Variants in NEMP2 observed in about 807,000 individuals in gnomAD.
NEMP2 encodes nuclear envelope integral membrane protein 2, also known as UPF0571 transmembrane protein.
Under a neutral mutation model 54.2 loss-of-function variants are expected in NEMP2, and 53 were observed. The observed-to-expected ratio is 0.98, with a 90% CI of 0.78 to 1.23. NEMP2 has a LOEUF of 1.23. Among genes scored for constraint, NEMP2 ranks in the 50% most tolerant of loss-of-function variants. The pLI is 0.00. For synonymous variants in NEMP2, 197 were observed against 190.3 expected (o/e 1.04, Z -0.29); for missense variants, 455 against 511.3 (o/e 0.89, Z 1.06).
At chr2:190,609,193 A>G in the NEMP2 span, 5 of 152,242 alleles carry the variant, frequency 3.3e-5, no homozygotes, top group Non-Finnish European at 5.9e-5. The surrounding 1 kb of genome is among the most constrained non-coding windows in gnomAD (Gnocchi z 4.7). Context: ...TCCAGAGCTT[A>G]TATACCTTCT....
At chr2:190,562,538 A>T in the NEMP2 span, among the ~76,000 whole-genome samples, 2 of 152,166 alleles carry the variant, frequency 1.3e-5, no homozygotes, top group African/African-American at 4.8e-5. This position sits in a 1 kb window ranked among gnomAD's most constrained non-coding sequence, Gnocchi z 5.0. Flanking sequence ...CAATTGATTG[A>T]TCAGACTTTA....
chr2:190,534,326 C>T, intron 1 of NEMP2: 1 of 1,191,280 alleles, frequency 8.4e-7, no homozygotes, highest in Non-Finnish European at 1.0e-6. Flanking sequence ...CGCGCGGTTG[C>T]TTCTAATTCT....
chr2:190,469,910 A>T, the NEMP2 span: 1 of 1,312,022 alleles, frequency 7.6e-7, no homozygotes, highest in Non-Finnish European at 1.1e-6. The surrounding 1 kb of genome is among the most constrained non-coding windows in gnomAD (Gnocchi z 5.3). Context: ...AGCTGTGGCT[A>T]AAAGCCCAGT....
At chr2:190,422,904 ATTAAG>A in the NEMP2 span, among the ~76,000 whole-genome samples, 285 of 148,704 alleles carry the variant, frequency 1.9e-3, 2 homozygotes, top group African/African-American at 6.7e-3. Context: ...TTTTCTTCAT[ATTAAG>A]TTCTTTTGTT....
the NEMP2 span, among the ~76,000 whole-genome samples, chr2:190,487,853 T>C: frequency 2.0e-5 from 3 of 152,208 alleles, no homozygotes; most frequent in Non-Finnish European, 2.9e-5. This position sits in a 1 kb window ranked among gnomAD's most constrained non-coding sequence, Gnocchi z 5.5. Flanking sequence ...GTTAAACATA[T>C]AGTGACCATA....
At chr2:190,596,394 A>G in the NEMP2 span, among the ~76,000 whole-genome samples, 19 of 152,356 alleles carry the variant, frequency 1.2e-4, no homozygotes, top group Admixed American at 2.6e-4. This position sits in a 1 kb window ranked among gnomAD's most constrained non-coding sequence, Gnocchi z 5.1. Flanking sequence ...AACTTAAAGT[A>G]TAATAATAAT....
the NEMP2 span, chr2:190,646,816 T>C: frequency 8.5e-5 from 13 of 152,344 alleles, no homozygotes; most frequent in African/African-American, 2.6e-4. Context: ...TGTTGTTTCT[T>C]CCAACTCTGG....
chr2:190,592,445 G>T, the NEMP2 span, among the ~76,000 whole-genome samples: 13 of 152,282 alleles, frequency 8.5e-5, no homozygotes, highest in Middle Eastern at 0.01. This position sits in a 1 kb window ranked among gnomAD's most constrained non-coding sequence, Gnocchi z 4.4. Flanking sequence ...ATGCAAGGCA[G>T]ATCTGAGTAT....
At chr2:190,429,500 A>AT in the NEMP2 span, among the ~76,000 whole-genome samples, 463 of 151,682 alleles carry the variant, frequency 3.1e-3, 2 homozygotes, top group Admixed American at 8.7e-3. Context: ...TAATTTTTGT[A>AT]TTTTTTTAGT....
At chr2:190,584,709 CA>C in the NEMP2 span, among the ~76,000 whole-genome samples, 4 of 151,374 alleles carry the variant, frequency 2.6e-5, no homozygotes, top group Admixed American at 6.6e-5. This position sits in a 1 kb window ranked among gnomAD's most constrained non-coding sequence, Gnocchi z 4.2. Context: ...CCTATCTTTG[CA>C]AAAAAAATTT....
the NEMP2 span, among the ~76,000 whole-genome samples, chr2:190,451,491 C>T: frequency 6.6e-6 from 1 of 152,162 alleles, no homozygotes; most frequent in Non-Finnish European, 1.5e-5. This position sits in a 1 kb window ranked among gnomAD's most constrained non-coding sequence, Gnocchi z 5.0. Context: ...GGTCAGTCCT[C>T]GTGGGACTCA....
the NEMP2 span, among the ~76,000 whole-genome samples, chr2:190,574,204 T>C: frequency 9.2e-5 from 14 of 152,244 alleles, no homozygotes; most frequent in African/African-American, 3.4e-4. Context: ...CTTAAATTTA[T>C]TGCAAGATGA....
the NEMP2 span, among the ~76,000 whole-genome samples, chr2:190,578,741 G>A: frequency 1.3e-5 from 2 of 151,862 alleles, no homozygotes; most frequent in East Asian, 3.9e-4. The surrounding 1 kb of genome is among the most constrained non-coding windows in gnomAD (Gnocchi z 4.4). Context: ...GGAGTGGGAG[G>A]GTGTGTACAG....
chr2:190,514,498 G>T lies in NEMP2; in HGVS notation c.908C>A (p.Ser303Tyr). ...AYAAIILLMS[S>Y]WSLHYPLRAC... ...TCTCAGTGGGTAGTGCAGACTCCAGGAGGACATGAGGAGGATTATGGCTGC... is the reference window on the plus strand; with the variant it reads ...TCTCAGTGGGTAGTGCAGACTCCAGTAGGACATGAGGAGGATTATGGCTGC... The change falls in exon 7 of 9, where the codon TCC becomes TAC. Residue 303 changes from serine (S) to tyrosine (Y), a missense_variant. Physicochemically the swap from Ser to Tyr is moderately radical, Grantham distance 144. Around this residue, in one of 3 missense-constraint regions of NEMP2, gnomAD observed 294 missense variants for 333.6 expected, o/e 0.88. Coordinates refer to ENST00000409150, the MANE Select transcript of NEMP2 (RefSeq NM_001142645.2). The surrounding 1 kb of genome is among the most constrained non-coding windows in gnomAD (Gnocchi z 5.7). 1 of 1,551,646 alleles carries T rather than the reference G, an allele frequency of 6.4e-7. No individual in the cohort carries two copies. The highest frequency in any genetic ancestry group is 1.2e-5 in the South Asian group (1 of 84,044).
At chr2:190,558,458 C>T in the NEMP2 span, among the ~76,000 whole-genome samples, 2 of 152,036 alleles carry the variant, frequency 1.3e-5, no homozygotes, top group Admixed American at 6.5e-5. This position sits in a 1 kb window ranked among gnomAD's most constrained non-coding sequence, Gnocchi z 4.4. Flanking sequence ...TACCCCAGAA[C>T]GTAAAGGATA....
At chr2:190,445,908 T>G in the NEMP2 span, among the ~76,000 whole-genome samples, 3 of 152,220 alleles carry the variant, frequency 2.0e-5, no homozygotes, top group African/African-American at 7.2e-5. Flanking sequence ...GAGCTGAGAT[T>G]TAAAAACAGT....
chr2:190,429,667 A>C, the NEMP2 span, among the ~76,000 whole-genome samples: 3 of 152,032 alleles, frequency 2.0e-5, no homozygotes, highest in African/African-American at 7.2e-5. Flanking sequence ...TTAATGTTTA[A>C]TATACTCTGT....
chr2:190,538,511 T>C (rs570553716), upstream of NEMP2, among the ~76,000 whole-genome samples: 157 of 152,308 alleles, frequency 1.0e-3, no homozygotes, highest in African/African-American at 3.5e-3. The surrounding 1 kb of genome is among the most constrained non-coding windows in gnomAD (Gnocchi z 4.1). Flanking sequence ...TTCTGGATCA[T>C]ATGGTAGGTC....
chr2:190,640,710 C>T, the NEMP2 span, among the ~76,000 whole-genome samples: 1 of 150,738 alleles, frequency 6.6e-6, no homozygotes, highest in African/African-American at 2.4e-5. Context: ...GTATCCGCTC[C>T]TAGAAGGCAG....
Sources: allele counts gnomAD v4.1 joint callset (sites outside exome capture counted in the v4.1 genomes callset), GRCh38; gene constraint gnomAD v4.1.1; regional missense constraint gnomAD v4.1.1; non-coding constraint Gnocchi (gnomAD v3.1); transcripts MANE v1.5; gene names NCBI Gene and HGNC (gene_info 2026-07-23, HGNC 2026-07-21).